Variants in ALCAM observed in about 807,000 individuals in gnomAD.
ALCAM encodes activated leukocyte cell adhesion molecule, also known as CD166 antigen.
Under a neutral mutation model 70.9 loss-of-function variants are expected in ALCAM, and 30 were observed. The observed-to-expected ratio is 0.42, with a 90% confidence interval of 0.32 to 0.57. The LOEUF is 0.57. Among genes scored for constraint, ALCAM ranks in the 20% least tolerant of loss-of-function variants. The pLI is 0.11. For missense variants in ALCAM, 591 were observed against 695.1 expected (o/e 0.85, Z 1.68); for synonymous variants, 249 against 242.5 (o/e 1.03, Z -0.25).
At chr3:105,447,776 T>C (rs1937333814) in intron 1 of ALCAM, among the ~76,000 whole-genome samples, 1 of 152,226 alleles carries the variant, frequency 6.6e-6, no homozygotes, top group Non-Finnish European at 1.5e-5. Flanking sequence ...TCTGAAACTG[T>C]AGCGTATTTT....
intron 1 of ALCAM, among the ~76,000 whole-genome samples, chr3:105,415,475 C>A (rs74557095): frequency 6.6e-6 from 1 of 152,096 alleles, no homozygotes; most frequent in Non-Finnish European, 1.5e-5. Context: ...TGTCCACTGA[C>A]AACAGCTTTC....
chr3:105,403,675 T>C (rs1936149640), intron 1 of ALCAM, among the ~76,000 whole-genome samples: 1 of 151,846 alleles, frequency 6.6e-6, no homozygotes, highest in Non-Finnish European at 1.5e-5. Flanking sequence ...CAAAAGAGGT[T>C]TCTTCAACAC....
intron 1 of ALCAM, among the ~76,000 whole-genome samples, chr3:105,464,921 C>A (rs1937672080): frequency 6.6e-6 from 1 of 151,378 alleles, no homozygotes; most frequent in Admixed American, 6.6e-5. Context: ...ATCTTCGTCA[C>A]CCAATCTCTT....
chr3:105,383,019 C>T (rs140608302), intron 1 of ALCAM, among the ~76,000 whole-genome samples: 82 of 151,890 alleles, frequency 5.4e-4, no homozygotes, highest in African/African-American at 1.9e-3. Flanking sequence ...ATGTGCCATG[C>T]CCTTCCTGCT....
intron 1 of ALCAM, among the ~76,000 whole-genome samples, chr3:105,462,041 A>G (rs1241091131): frequency 6.6e-6 from 1 of 151,706 alleles, no homozygotes; most frequent in Non-Finnish European, 1.5e-5. Flanking sequence ...AAAATTTTGA[A>G]TATGGACATA....
In ALCAM at chr3:105,367,241, C is replaced by T. The variant is rs6437585; in HGVS notation, c.-168C>T. On this transcript the variant is annotated 5_prime_UTR_variant, in exon 1 of 16. Coordinates refer to ENST00000306107, the MANE Select transcript of ALCAM (RefSeq NM_001627.4). ...GCATTGCGTGGTGGAAAGTTGCGTG[C>T]GGCAGAGAACCGAAGGTGCAGCGCC... 57,331 of 623,554 alleles carry T rather than the reference C, an allele frequency of 0.092. 3,010 individuals carry two copies. Among genetic ancestry groups the T allele is most frequent in the South Asian group, 0.16 (7,960 of 51,228 alleles). The allele number at this position is 623,554 out of a possible 1,614,324, so 38.6% of individuals were successfully genotyped here. A position where few individuals can be genotyped will look rare whatever the true frequency, so the allele number is the denominator to read the frequency against.
intron 1 of ALCAM, among the ~76,000 whole-genome samples, chr3:105,378,654 C>A (rs1576120384): frequency 6.9e-6 from 1 of 144,804 alleles, no homozygotes; most frequent in Non-Finnish European, 1.5e-5. Context: ...TTGAGAAATG[C>A]TTGTTTAGTA....
intron 3 of ALCAM, chr3:105,531,362 T>C (rs1281467322): frequency 6.6e-6 from 1 of 152,164 alleles, no homozygotes; most frequent in Non-Finnish European, 1.5e-5. Flanking sequence ...ACTTTCATAT[T>C]GTGACTTGGC....
rs1937022948 is a variant in ALCAM, at chr3:105,435,171, T to C, written c.73+67690T>C. On this transcript the variant is annotated intron_variant, in intron 1 of 15. Transcript: ENST00000306107. ...ATCACTTTCTAAAATATGTATTTTT[T>C]TATCTGTTTCTAAACCATGCTTATG... Among the ~76,000 whole-genome samples the C allele has an allele frequency of 2.0e-5, 3 of 152,362 alleles. No homozygotes were observed. In the South Asian group the frequency reaches 6.2e-4, roughly 32 times the overall value.
intron 1 of ALCAM, among the ~76,000 whole-genome samples, chr3:105,378,854 A>G (rs1935443372): frequency 6.6e-6 from 1 of 151,958 alleles, no homozygotes; most frequent in African/African-American, 2.4e-5. Context: ...ATTTTCTAGA[A>G]TCCATCCAAA....
chr3:105,452,204 C>T (rs1421934993), intron 1 of ALCAM, among the ~76,000 whole-genome samples: 1 of 151,730 alleles, frequency 6.6e-6, no homozygotes, highest in Non-Finnish European at 1.5e-5. Context: ...GACCCATCCT[C>T]TAAGTTCCTC....
intron 1 of ALCAM, among the ~76,000 whole-genome samples, chr3:105,416,636 T>C (rs186683341): frequency 1.1e-3 from 171 of 152,128 alleles, no homozygotes; most frequent in South Asian, 1.9e-3. Flanking sequence ...GTTACCACCA[T>C]TCGACCAATT....
intron 1 of ALCAM, among the ~76,000 whole-genome samples, chr3:105,491,421 TCTC>T (rs894163437): frequency 1.3e-5 from 2 of 152,230 alleles, no homozygotes; most frequent in Non-Finnish European, 2.9e-5. Flanking sequence ...GGCATGAATT[TCTC>T]CTCAGAAAAT....
chr3:105,505,175 A>G (rs1238338230), intron 1 of ALCAM, among the ~76,000 whole-genome samples: 1 of 152,158 alleles, frequency 6.6e-6, no homozygotes, highest in Non-Finnish European at 1.5e-5. Context: ...GTTGTATTAG[A>G]CCGTCCTCTC....
chr3:105,524,784 T>C lies in ALCAM; in HGVS notation c.394+276T>C, dbSNP rs937204259. On this transcript the variant is annotated intron_variant, in intron 3 of 15. Coordinates refer to ENST00000306107, the MANE Select transcript of ALCAM (RefSeq NM_001627.4). The stretch of plus-strand genomic sequence containing the variant: ...GTGAGCTATGAAGTACTACTACTGA[T>C]AACTAGCAGGTGATCTTAATTTTTA... The C allele has an allele frequency of 1.1e-5, 13 of 1,163,146 alleles. No individual in the cohort carries two copies. In the South Asian group the frequency reaches 1.8e-4, roughly 16 times the overall value. 72.1% of individuals were successfully genotyped at this position (1,163,146 alleles called of 1,614,324 possible).
chr3:105,465,329 T>A (rs1389327613), intron 1 of ALCAM, among the ~76,000 whole-genome samples: 1 of 151,484 alleles, frequency 6.6e-6, no homozygotes, highest in East Asian at 1.9e-4. Context: ...CAGAAAATTC[T>A]GAGCTGTTAA....
At chr3:105,487,288 A>T (rs1938458136) in intron 1 of ALCAM, among the ~76,000 whole-genome samples, 1 of 152,136 alleles carries the variant, frequency 6.6e-6, no homozygotes, top group African/African-American at 2.4e-5. Flanking sequence ...GATTCCAGGT[A>T]AATTAATAAT....
intron 1 of ALCAM, among the ~76,000 whole-genome samples, chr3:105,424,767 C>T (rs181534267): frequency 1.3e-5 from 2 of 151,560 alleles, no homozygotes; most frequent in Non-Finnish European, 3.0e-5. Flanking sequence ...AAAATGGTGT[C>T]GGTTAATAAA....
At chr3:105,413,853 C>T (rs1256706418) in intron 1 of ALCAM, among the ~76,000 whole-genome samples, 1 of 152,106 alleles carries the variant, frequency 6.6e-6, no homozygotes, top group Non-Finnish European at 1.5e-5. Context: ...GTTTTGCACT[C>T]ACTAAATGGA....
Sources: allele counts gnomAD v4.1 joint callset (sites outside exome capture counted in the v4.1 genomes callset), GRCh38; gene constraint gnomAD v4.1.1; transcripts MANE v1.5; gene names NCBI Gene and HGNC (gene_info 2026-07-23, HGNC 2026-07-21).